The following C9 variants were observed in gnomAD, a reference collection of about 807,000 sequenced individuals.
C9 encodes the protein complement C9, also known as complement component C9.
A neutral mutation model predicts 65.4 loss-of-function variants in C9; 63 were observed. The ratio of observed to expected loss-of-function variants is 0.96; its 90% confidence interval spans 0.79 to 1.19. The LOEUF (loss-of-function observed/expected upper bound fraction) is 1.19. Ranked by LOEUF, C9 falls within the 50% of genes most tolerant of loss-of-function variation. C9 has a pLI of 0.00. For synonymous variants in C9, 229 were observed against 227.9 expected (o/e 1.00, Z -0.04); for missense variants, 744 against 670.1 (o/e 1.11, Z -1.22).
intron 1 of C9, among the ~76,000 whole-genome samples, chr5:39,345,277 C>T (rs1390719991): frequency 6.6e-6 from 1 of 152,118 alleles, no homozygotes; most frequent in Non-Finnish European, 1.5e-5. Flanking sequence ...TCAGGAGACC[C>T]ATCTTATGTG....
intron 9 of C9, among the ~76,000 whole-genome samples, chr5:39,303,612 T>G (rs1448880160): frequency 6.6e-6 from 1 of 151,758 alleles, no homozygotes; most frequent in Middle Eastern, 3.2e-3. Context: ...CTCAGTAACA[T>G]ATTCATACAG....
intron 9 of C9, 141 bp downstream of exon 9, chr5:39,306,476 T>C (rs983887620): frequency 4.2e-6 from 3 of 717,878 alleles, no homozygotes; most frequent in East Asian, 2.7e-5. Context: ...CTCTATGCCA[T>C]GCCTCCTTTT....
chr5:39,358,859 C>T (rs1036222175), intron 1 of C9, among the ~76,000 whole-genome samples: 1 of 151,346 alleles, frequency 6.6e-6, no homozygotes, highest in Non-Finnish European at 1.5e-5. Context: ...GTGGCGGGCG[C>T]CTGTAGTCCC....
chr5:39,312,020 C>A (rs1561339067), intron 6 of C9, among the ~76,000 whole-genome samples: 2 of 151,974 alleles, frequency 1.3e-5, no homozygotes, highest in Non-Finnish European at 2.9e-5. Flanking sequence ...TCAGTGGTCA[C>A]CTCTTAGGTG....
At chr5:39,334,133 C>T (rs1308940219) in intron 4 of C9, among the ~76,000 whole-genome samples, 1 of 150,762 alleles carries the variant, frequency 6.6e-6, no homozygotes, top group Non-Finnish European at 1.5e-5. Flanking sequence ...TGAGGAGCCT[C>T]TCTGCCCGGC....
At chr5:39,314,431 A>G (rs1753538074) in intron 6 of C9, among the ~76,000 whole-genome samples, 1 of 152,100 alleles carries the variant, frequency 6.6e-6, no homozygotes, top group Non-Finnish European at 1.5e-5. Context: ...CCTGGGCAAC[A>G]AGAGCAAAAA....
chr5:39,331,959 A>G, intron 4 of C9, 145 bp from the exon 5 acceptor site: 2 of 785,660 alleles, frequency 2.5e-6, no homozygotes, highest in Non-Finnish European at 4.5e-6. Flanking sequence ...CAGAAGCAAG[A>G]GCCTGTTCAC....
rs1051325731 is a variant in C9 at position 39,341,610 on chromosome 5, C to G, written c.274G>C (p.Glu92Gln). The part of the protein sequence containing the change: ...VGDRRQCVPT[E>Q]PCEDAEDDCG... ...TCATCCTCAGCATCCTCACAGGGCT[C>G]TGTGGGCACACACTGTCGTCTGTCT... is the stretch of plus-strand genomic sequence containing the variant. The change falls in exon 3 of 11, where the codon GAG (glutamate) becomes CAG (glutamine). Residue 92 changes from glutamate (E) to glutamine (Q), a missense_variant. Glu to Gln is a conservative substitution (Grantham distance 29). Transcript: ENST00000263408. 1 of 1,614,138 alleles carries G rather than the reference C, an allele frequency of 6.2e-7. No homozygotes were observed. Among genetic ancestry groups the G allele is most frequent in the South Asian group, 1.1e-5 (1 of 91,086 alleles).
At chr5:39,347,524 T>G (rs560281635) in intron 1 of C9, among the ~76,000 whole-genome samples, 88 of 152,142 alleles carry the variant, frequency 5.8e-4, no homozygotes, top group African/African-American at 2.0e-3. Context: ...AATAAGAGGA[T>G]GCAAACAAAT....
intron 4 of C9, among the ~76,000 whole-genome samples, chr5:39,340,691 G>A (rs1290973341): frequency 6.6e-6 from 1 of 152,090 alleles, no homozygotes; most frequent in Non-Finnish European, 1.5e-5. Context: ...TTCCTCCTGG[G>A]TCAGCTCCAG....
Position 39,284,838 on chromosome 5 carries a change from A to C in C9, c.*361T>G, listed in dbSNP as rs1229777711. The C allele has an allele frequency of 3.5e-6, 1 of 283,744 alleles. No homozygotes were observed. The highest frequency in any genetic ancestry group is 6.7e-6 in the Non-Finnish European group (1 of 149,066). The allele number at this position is 283,744 out of a possible 1,614,324, so 17.6% of individuals were successfully genotyped here. A position where few individuals can be genotyped will look rare whatever the true frequency, so the allele number is the denominator to read the frequency against. ...GACGTGTGGTCATGGACCTGGCAGA[A>C]TATGTTAACCATACAAAGCCGTTTG... On this transcript the variant is annotated 3_prime_UTR_variant, in exon 11 of 11. Coordinates refer to ENST00000263408, the MANE Select transcript of C9 (RefSeq NM_001737.5).
intron 5 of C9, among the ~76,000 whole-genome samples, chr5:39,318,111 A>G (rs901769423): frequency 2.0e-5 from 3 of 151,520 alleles, no homozygotes; most frequent in African/African-American, 7.3e-5. Context: ...TTTTTTAGCA[A>G]TCGTGAATGG....
rs79144338 is a variant in C9 at position 39,290,304 on chromosome 5, T to C, written c.1417-1353A>G. The stretch of plus-strand genomic sequence containing the variant: ...AACATATACAGGGAAATTTATATGT[T>C]CACTTAATTTAAGCAAATTCAATTG... On this transcript the variant is annotated intron_variant, in intron 9 of 10. Coordinates refer to ENST00000263408, the MANE Select transcript of C9 (RefSeq NM_001737.5). Among the ~76,000 whole-genome samples the C allele has an allele frequency of 6.6e-4, 101 of 151,978 alleles. 1 individual carries two copies. In the East Asian group the frequency reaches 0.018, roughly 28 times the overall value.
intron 6 of C9, among the ~76,000 whole-genome samples, chr5:39,311,962 A>G (rs779962808): frequency 1.3e-5 from 2 of 152,208 alleles, no homozygotes; most frequent in Non-Finnish European, 2.9e-5. Context: ...TTCCATTTAT[A>G]TGAAGTTCTA....
intron 8 of C9, among the ~76,000 whole-genome samples, chr5:39,307,569 T>A (rs1753404251): frequency 1.3e-5 from 2 of 152,110 alleles, no homozygotes; most frequent in South Asian, 2.1e-4. Context: ...ATATATCAGG[T>A]TTTTCCTCAC....
intron 7 of C9, among the ~76,000 whole-genome samples, chr5:39,310,215 A>C (rs999323560): frequency 5.9e-5 from 9 of 152,044 alleles, no homozygotes; most frequent in Non-Finnish European, 1.5e-5. Context: ...TCACAGTTAC[A>C]TTCCACCCTT....
intron 1 of C9, among the ~76,000 whole-genome samples, chr5:39,352,921 G>A (rs1410224320): frequency 6.6e-6 from 1 of 151,732 alleles, no homozygotes; most frequent in African/African-American, 2.4e-5. Context: ...TGGTACCTGT[G>A]AATATGTTGC....
chr5:39,337,213 T>G (rs1753986982), intron 4 of C9, among the ~76,000 whole-genome samples: 1 of 152,238 alleles, frequency 6.6e-6, no homozygotes, highest in South Asian at 2.1e-4. Context: ...TTGAGGAAAC[T>G]ATTACCTTAA....
chr5:39,349,416 AC>A (rs1561354320), intron 1 of C9, among the ~76,000 whole-genome samples: 1 of 152,230 alleles, frequency 6.6e-6, no homozygotes, highest in Non-Finnish European at 1.5e-5. Context: ...TTTTCTTCCA[AC>A]CACTACCATC....
Sources: allele counts gnomAD v4.1 joint callset (sites outside exome capture counted in the v4.1 genomes callset), GRCh38; gene constraint gnomAD v4.1.1; transcripts MANE v1.5; gene names NCBI Gene and HGNC (gene_info 2026-07-23, HGNC 2026-07-21).